The following RAPGEF1 variants were observed in gnomAD, a reference collection of about 807,000 sequenced individuals.
RAPGEF1 encodes Rap guanine nucleotide exchange factor 1, also known as CRK SH3-binding GNRP.
In RAPGEF1, 33 loss-of-function variants were observed where a neutral mutation model predicts 143.3. The ratio of observed to expected loss-of-function variants is 0.23; its 90% CI spans 0.17 to 0.31. RAPGEF1 has a LOEUF of 0.31. RAPGEF1 is among the 10% of genes least tolerant of loss of function. The pLI is 1.00. For missense variants in RAPGEF1, 1,199 were observed against 1,645.4 expected, an observed-to-expected ratio of 0.73 and a Z score of 4.69; for synonymous variants, 629 against 676.5, an observed-to-expected ratio of 0.93 and a Z score of 1.09.
intron 1 of RAPGEF1, among the ~76,000 whole-genome samples, chr9:131,661,552 C>A (rs1564647571): frequency 6.6e-6 from 1 of 152,060 alleles, no homozygotes; most frequent in Non-Finnish European, 1.5e-5. Flanking sequence ...TGCAAGCTAT[C>A]TACATAAGGT....
At chr9:131,732,394 A>G (rs1837134197) in intron 1 of RAPGEF1, among the ~76,000 whole-genome samples, 1 of 152,232 alleles carries the variant, frequency 6.6e-6, no homozygotes, top group Non-Finnish European at 1.5e-5. Context: ...CATCCCAAAG[A>G]ACCAGGCAGT....
Position 131,626,374 on chromosome 9 carries a change from G to A in RAPGEF1, c.1250C>T (p.Ala417Val), listed in dbSNP as rs1007338204. ...YEFLQQDLSN[A>V]DQIPQQTAWN... The stretch of plus-strand genomic sequence containing the variant: ...GGCCGTCTGCTGAGGTATCTGGTCT[G>A]CGTTAGAGAGGTCTTGCTGGAGGAA... The change falls in exon 10 of 27, where the codon GCA (alanine) becomes GTA (valine). Residue 417 changes from alanine (A) to valine (V), a missense_variant. Coordinates refer to ENST00000683357, the MANE Select transcript of RAPGEF1 (RefSeq NM_001377935.1). 3 of 1,611,448 alleles carry A rather than the reference G, an allele frequency of 1.9e-6. No homozygotes were observed. The highest frequency in any genetic ancestry group is 1.7e-5 in the Admixed American group (1 of 59,792).
rs1952261679 is a variant in RAPGEF1 at position 131,583,831 on chromosome 9, C to A, written c.3414+480G>T. On this transcript the variant is annotated intron_variant, in intron 24 of 26. Coordinates refer to ENST00000683357, the MANE Select transcript of RAPGEF1 (RefSeq NM_001377935.1). This position sits in a 1 kb window ranked among gnomAD's most constrained non-coding sequence, Gnocchi z 4.7. ...TTGATTCTCTTCCCTTCCCAGGAAACTCCTCCTCCTCTGCAGATGGTGGCA... is the reference window on the plus strand; with the variant it reads ...TTGATTCTCTTCCCTTCCCAGGAAAATCCTCCTCCTCTGCAGATGGTGGCA... 6.6e-6 allele frequency among the ~76,000 whole-genome samples: 1 copy of A among 152,244 alleles called. No individual in the cohort carries two copies. The highest frequency in any genetic ancestry group is 1.5e-5 in the Non-Finnish European group (1 of 68,042).
At position 131,641,080 on chromosome 9, in the gene RAPGEF1, AC is replaced by A. The variant is rs1358575881; in HGVS notation, c.494+2158del. 6.6e-6 allele frequency among the ~76,000 whole-genome samples: 1 copy of A among 151,796 alleles called. No homozygotes were observed. The highest frequency in any genetic ancestry group is 1.5e-5 in the Non-Finnish European group (1 of 67,918). On this transcript the variant is annotated intron_variant, in intron 4 of 26. Transcript: ENST00000683357. The surrounding 1 kb of genome is among the most constrained non-coding windows in gnomAD (Gnocchi z 4.6). The stretch of plus-strand genomic sequence containing the variant: ...AGCCACCCCTCAATAGACAAAAAAT[AC>A]CCCCAGCCATTACCATGTGACTTCA...
intron 1 of RAPGEF1, 22 bp downstream of exon 1, chr9:131,739,748 C>G: frequency 8.8e-7 from 1 of 1,131,504 alleles, no homozygotes; most frequent in Non-Finnish European, 1.1e-6. Context: ...CCGGAGGGAG[C>G]CGCCCCACGC....
At position 131,655,867 on chromosome 9, in the gene RAPGEF1, G is replaced by A. The variant is rs542736868; in HGVS notation, c.62-4918C>T. Among the ~76,000 whole-genome samples the A allele has an allele frequency of 3.7e-4, 57 of 152,226 alleles. No homozygotes were observed. Among genetic ancestry groups the A allele is most frequent in the African/African-American group, 1.3e-3 (56 of 41,532 alleles). On this transcript the variant is annotated intron_variant, in intron 1 of 26. Transcript: ENST00000683357. This position sits in a 1 kb window ranked among gnomAD's most constrained non-coding sequence, Gnocchi z 4.1. Reference sequence around the variant, plus strand: ...CTCCCAAAGTGCTGAGATTACAGGTGTGAGCCACCGCGCCCGGCCAAAAAA... The same window carrying A: ...CTCCCAAAGTGCTGAGATTACAGGTATGAGCCACCGCGCCCGGCCAAAAAA...
chr9:131,581,422 C>T (rs1333148300), intron 25 of RAPGEF1, among the ~76,000 whole-genome samples: 1 of 151,600 alleles, frequency 6.6e-6, no homozygotes, highest in Non-Finnish European at 1.5e-5. Flanking sequence ...GGTGTGGTGA[C>T]TCCTGCCTGT....
rs1170951184 is a variant in RAPGEF1 at position 131,626,259 on chromosome 9, G to C, written c.1365C>G (p.Pro455=). The part of the protein sequence containing the change: ...PPFQLPLGGH[P]QPDGPLAPGQ... The stretch of plus-strand genomic sequence containing the variant: ...CTGGGGCCAGAGGTCCGTCTGGCTG[G>C]GGATGGCCGCCAAGAGGCAGCTGGA... Residue 455 remains proline, a synonymous_variant, in exon 10 of 27, where the codon CCC becomes CCG. Coordinates refer to ENST00000683357, the MANE Select transcript of RAPGEF1 (RefSeq NM_001377935.1). The C allele has an allele frequency of 4.3e-6, 7 of 1,613,858 alleles. No individual in the cohort carries two copies. Among genetic ancestry groups the C allele is most frequent in the Non-Finnish European group, 5.9e-6 (7 of 1,179,876 alleles).
intron 1 of RAPGEF1, among the ~76,000 whole-genome samples, chr9:131,712,326 T>C (rs979190870): frequency 1.3e-5 from 2 of 152,168 alleles, no homozygotes; most frequent in African/African-American, 4.8e-5. Flanking sequence ...AATGAGTGGA[T>C]AGGTGACAGA....
At chr9:131,713,532 T>C (rs1212742063) in intron 1 of RAPGEF1, among the ~76,000 whole-genome samples, 10 of 152,294 alleles carry the variant, frequency 6.6e-5, no homozygotes, top group Non-Finnish European at 1.5e-5. Flanking sequence ...TTTGAATCTA[T>C]GGGGGCACTT....
intron 1 of RAPGEF1, among the ~76,000 whole-genome samples, chr9:131,734,734 C>G (rs1441457967): frequency 1.3e-5 from 2 of 152,206 alleles, no homozygotes; most frequent in Non-Finnish European, 2.9e-5. Context: ...CATCATAGGG[C>G]CTGTACTCTT....
At chr9:131,586,889 A>AACAC (rs1296437482) in intron 22 of RAPGEF1, among the ~76,000 whole-genome samples, 15 of 41,718 alleles carry the variant, frequency 3.6e-4, no homozygotes, top group African/African-American at 1.9e-3. Context: ...CTCCGTCTCA[A>AACAC]ACACACACAC....
chr9:131,737,274 C>G, intron 1 of RAPGEF1: 26 of 1,429,476 alleles, frequency 1.8e-5, no homozygotes, highest in Non-Finnish European at 2.4e-5. Context: ...CCTGGTCAGC[C>G]CCTTCCCCTC....
In RAPGEF1 at chr9:131,582,613, G is replaced by C; in HGVS notation, c.3504C>G (p.Ile1168Met). ...AALSEVEPPCIPYLGLILQDL... is the reference protein window; with the variant it reads ...AALSEVEPPCMPYLGLILQDL... ...GAGGGGCTGCTACTCACAGGTACGGGATGCACGGCGGTTCCACCTCCGAGA... is the reference window on the plus strand; with the variant it reads ...GAGGGGCTGCTACTCACAGGTACGGCATGCACGGCGGTTCCACCTCCGAGA... The change falls in exon 25 of 27, where the codon ATC (isoleucine) becomes ATG (methionine). Residue 1168 changes from isoleucine to methionine, a missense_variant. This residue lies in a region of RAPGEF1 where 209 missense variants were observed against 403.0 expected (regional missense o/e 0.52). Transcript: ENST00000683357. 6.5e-7 allele frequency: 1 copy of C among 1,527,342 alleles called. No homozygotes were observed. Among genetic ancestry groups the C allele is most frequent in the Non-Finnish European group, 8.7e-7 (1 of 1,147,624 alleles). The allele number at this position is 1,527,342 out of a possible 1,614,324, so 94.6% of individuals were successfully genotyped here.
At chr9:131,694,813 T>A (rs866929103) in intron 1 of RAPGEF1, among the ~76,000 whole-genome samples, 1,736 of 149,978 alleles carry the variant, frequency 0.012, 56 homozygotes, top group South Asian at 0.075. Flanking sequence ...TTTTTTTTTT[T>A]ATACTTTAAG....
At chr9:131,580,477 G>C in intron 25 of RAPGEF1, 86 bp from the exon 26 acceptor site, 1 of 1,447,770 alleles carries the variant, frequency 6.9e-7, no homozygotes. Flanking sequence ...GCTAGGACTC[G>C]CAGTGAGCAG....
chr9:131,631,326 C>T (rs374310911), intron 5 of RAPGEF1, among the ~76,000 whole-genome samples: 1 of 152,232 alleles, frequency 6.6e-6, no homozygotes, highest in African/African-American at 2.4e-5. Flanking sequence ...TAAGGAAGCT[C>T]CGCATTCCCC....
intron 6 of RAPGEF1, 137 bp from the exon 7 acceptor site, chr9:131,629,391 T>C (rs1303730236): frequency 4.5e-6 from 4 of 891,694 alleles, no homozygotes; most frequent in African/African-American, 1.7e-5. Context: ...TCCCTGGATA[T>C]AGAACCCTGG....
At chr9:131,587,253 G>A (rs1588204628) in intron 22 of RAPGEF1, among the ~76,000 whole-genome samples, 1 of 102,248 alleles carries the variant, frequency 9.8e-6, no homozygotes, top group Non-Finnish European at 1.9e-5. Flanking sequence ...CCTGCAGAGC[G>A]AGACTCCATC....
Sources: allele counts gnomAD v4.1 joint callset (sites outside exome capture counted in the v4.1 genomes callset), GRCh38; gene constraint gnomAD v4.1.1; regional missense constraint gnomAD v4.1.1; non-coding constraint Gnocchi (gnomAD v3.1); transcripts MANE v1.5; gene names NCBI Gene and HGNC (gene_info 2026-07-23, HGNC 2026-07-21).